Variants in LOC112267897 observed in about 807,000 individuals in gnomAD.
chr13:63,747,450 A>G, the LOC112267897 span: 1 of 244,524 alleles, frequency 4.1e-6, no homozygotes, highest in South Asian at 3.2e-5. Context: ...AACATCTACA[A>G]TTGGGGAAGT....
At chr13:63,747,167 A>C in the LOC112267897 span, 1 of 1,575,816 alleles carries the variant, frequency 6.3e-7, no homozygotes, top group Non-Finnish European at 8.6e-7. Flanking sequence ...ATTTTGCTTT[A>C]GAAGATGCTA....
At chr13:63,747,044 TCTGGCTCTGGCTGTGGCTATGGAA>T in the LOC112267897 span, 2 of 1,597,584 alleles carry the variant, frequency 1.3e-6, no homozygotes, top group Non-Finnish European at 1.7e-6. Flanking sequence ...TGGCTATGGC[TCTGGCTCTGGCTGTGGCTATGGAA>T]CTGGCTTCGG....
chr13:63,747,219 C>A, the LOC112267897 span: 1 of 1,390,040 alleles, frequency 7.2e-7, no homozygotes, highest in Non-Finnish European at 9.9e-7. Context: ...CAATTTGCTT[C>A]TAAAATGACA....
chr13:63,746,855 G>GGCTATGGCTCCA, the LOC112267897 span: 4 of 1,312,702 alleles, frequency 3.0e-6, no homozygotes, highest in Middle Eastern at 1.9e-4. Flanking sequence ...CTATGGCTGT[G>GGCTATGGCTCCA]GCTATGGCTC....
chr13:63,746,974 C>A, the LOC112267897 span: 1 of 1,423,098 alleles, frequency 7.0e-7, no homozygotes, highest in Non-Finnish European at 9.9e-7. Context: ...GCTATGGCTC[C>A]AGCTATGGCT....
At chr13:63,747,790 A>T in the LOC112267897 span, 134 of 130,040 alleles carry the variant, frequency 1.0e-3, 21 homozygotes, top group African/African-American at 4.9e-3. Flanking sequence ...TATTATTATT[A>T]TTATTATTAT....
chr13:63,747,584 T>A, the LOC112267897 span: 8 of 180,368 alleles, frequency 4.4e-5, no homozygotes, highest in East Asian at 1.1e-3. Flanking sequence ...AAGTTTAATG[T>A]ATTATTGAAG....
chr13:63,747,110 T>C, the LOC112267897 span: 41 of 1,602,894 alleles, frequency 2.6e-5, no homozygotes, highest in Non-Finnish European at 3.4e-5. Context: ...TGGAACTGGC[T>C]ATGGCTGTGG....
the LOC112267897 span, chr13:63,747,979 A>G: frequency 6.2e-5 from 2 of 32,446 alleles, no homozygotes; most frequent in Admixed American, 3.9e-4. Flanking sequence ...TATATCATAC[A>G]GGTTTATGTA....
the LOC112267897 span, chr13:63,747,050 T>C: frequency 6.2e-7 from 1 of 1,601,552 alleles, no homozygotes; most frequent in Non-Finnish European, 8.5e-7. Flanking sequence ...TGGCTCTGGC[T>C]CTGGCTGTGG....
chr13:63,747,059 G>T, the LOC112267897 span: 3 of 1,603,346 alleles, frequency 1.9e-6, no homozygotes, highest in Non-Finnish European at 2.6e-6. Context: ...CTCTGGCTGT[G>T]GCTATGGAAC....
chr13:63,746,744 G>C, the LOC112267897 span: 1 of 1,300,048 alleles, frequency 7.7e-7, no homozygotes, highest in Non-Finnish European at 1.1e-6. Context: ...AGTAGAAGAC[G>C]TCCACACCTC....
At chr13:63,747,194 A>G in the LOC112267897 span, 4 of 1,527,290 alleles carry the variant, frequency 2.6e-6, no homozygotes, top group Admixed American at 1.7e-5. Context: ...CTGCTAAAAC[A>G]TCACTGTCAG....
chr13:63,746,837 G>A, the LOC112267897 span: 1 of 1,420,198 alleles, frequency 7.0e-7, no homozygotes, highest in Non-Finnish European at 9.9e-7. Flanking sequence ...CTGTGGCTAT[G>A]GCTCCAGCTA....
chr13:63,747,602 A>T, the LOC112267897 span: 1 of 173,998 alleles, frequency 5.7e-6, no homozygotes, highest in Admixed American at 1.1e-4. Flanking sequence ...AAGAAATAAA[A>T]TGTATTTTAT....
chr13:63,747,045 C>G, the LOC112267897 span: 5 of 1,597,644 alleles, frequency 3.1e-6, no homozygotes, highest in South Asian at 3.3e-5. Flanking sequence ...GGCTATGGCT[C>G]TGGCTCTGGC....
At chr13:63,747,011 G>A in the LOC112267897 span, 1 of 1,542,994 alleles carries the variant, frequency 6.5e-7, no homozygotes, top group Non-Finnish European at 8.9e-7. Context: ...CTACAGCTGT[G>A]GCTATGGCTC....
chr13:63,746,931 AT>A, the LOC112267897 span: 1 of 1,448,050 alleles, frequency 6.9e-7, no homozygotes, highest in Admixed American at 1.7e-5. Context: ...AGCTGTGGCT[AT>A]GGCTGTGGCT....
the LOC112267897 span, chr13:63,747,806 A>G: frequency 7.7e-6 from 1 of 129,476 alleles, no homozygotes; most frequent in Non-Finnish European, 1.5e-5. Flanking sequence ...ATTATTTTAT[A>G]CTGTGTTTTT....
Sources: allele counts gnomAD v4.1 joint callset, GRCh38; gene constraint gnomAD v4.1.1; transcripts MANE v1.5.